Variants in SPOCK3 observed in about 807,000 individuals in gnomAD.
The protein encoded by SPOCK3 is SPARC (osteonectin), cwcv and kazal like domains proteoglycan 3, also known as testican-3.
In SPOCK3, 30 loss-of-function variants were observed where a neutral mutation model predicts 56.6. The ratio of observed to expected loss-of-function variants is 0.53; its 90% CI spans 0.40 to 0.72. SPOCK3 has a LOEUF of 0.72. Among genes scored for constraint, SPOCK3 ranks in the 30% least tolerant of loss-of-function variants. The pLI, the probability that SPOCK3 is intolerant of heterozygous loss-of-function variation, is 0.00. For synonymous variants in SPOCK3, 196 were observed against 183.3 expected (o/e 1.07, Z -0.56); for missense variants, 527 against 530.0 (o/e 0.99, Z 0.06).
chr4:167,205,509 T>TG (rs1734159902), intron 2 of SPOCK3, among the ~76,000 whole-genome samples: 1 of 55,094 alleles, frequency 1.8e-5, no homozygotes, highest in African/African-American at 8.1e-5. Flanking sequence ...ATATATTATA[T>TG]AATATATATT....
chr4:166,780,436 G>C (rs1740035128), intron 7 of SPOCK3, among the ~76,000 whole-genome samples: 1 of 152,008 alleles, frequency 6.6e-6, no homozygotes, highest in Non-Finnish European at 1.5e-5. Flanking sequence ...GCAAGATAAG[G>C]GACCCAAGAA....
intron 4 of SPOCK3, among the ~76,000 whole-genome samples, chr4:166,933,355 G>T (rs1740003349): frequency 6.6e-6 from 1 of 152,116 alleles, no homozygotes; most frequent in African/African-American, 2.4e-5. Context: ...CTATGGCATT[G>T]CCTGACTTCC....
intron 4 of SPOCK3, among the ~76,000 whole-genome samples, chr4:166,920,881 G>A (rs1738407649): frequency 6.6e-6 from 1 of 152,094 alleles, no homozygotes; most frequent in African/African-American, 2.4e-5. Context: ...AGATCTGAAA[G>A]CTTCAGCAGA....
At chr4:166,995,668 TG>T (rs1748292769) in intron 4 of SPOCK3, among the ~76,000 whole-genome samples, 1 of 152,044 alleles carries the variant, frequency 6.6e-6, no homozygotes, top group Non-Finnish European at 1.5e-5. Context: ...GCCTCAGTTA[TG>T]GGCATAATAA....
chr4:167,144,919 T>C (rs560911426), intron 2 of SPOCK3, among the ~76,000 whole-genome samples: 5 of 151,928 alleles, frequency 3.3e-5, no homozygotes, highest in African/African-American at 1.2e-4. Flanking sequence ...GGGTTTAACA[T>C]AGCATTGTCA....
At chr4:166,969,600 G>A (rs1238346230) in intron 4 of SPOCK3, among the ~76,000 whole-genome samples, 1 of 146,460 alleles carries the variant, frequency 6.8e-6, no homozygotes, top group African/African-American at 2.5e-5. Flanking sequence ...CTGCTGCCAT[G>A]GGAAGATGTG....
chr4:166,990,744 T>C (rs1301074772), intron 4 of SPOCK3, among the ~76,000 whole-genome samples: 2 of 152,040 alleles, frequency 1.3e-5, no homozygotes, highest in African/African-American at 2.4e-5. Flanking sequence ...ATGTCATGAT[T>C]AAAATAAAAT....
intron 2 of SPOCK3, among the ~76,000 whole-genome samples, chr4:167,172,254 C>G (rs542253702): frequency 6.6e-6 from 1 of 152,254 alleles, no homozygotes; most frequent in Non-Finnish European, 1.5e-5. Flanking sequence ...AGTTCATAAT[C>G]AAAATTTCTT....
chr4:166,803,528 G>A (rs565212924), intron 6 of SPOCK3, among the ~76,000 whole-genome samples: 107 of 152,224 alleles, frequency 7.0e-4, no homozygotes, highest in African/African-American at 1.9e-3. Context: ...GTGGTATTCC[G>A]GGCAAACGTC....
chr4:167,106,192 A>C (rs1760125627), intron 2 of SPOCK3, among the ~76,000 whole-genome samples: 1 of 151,930 alleles, frequency 6.6e-6, no homozygotes, highest in Non-Finnish European at 1.5e-5. Context: ...TCTCTTCAAC[A>C]CATGGATCAT....
chr4:166,974,581 C>T (rs1745742496), intron 4 of SPOCK3, among the ~76,000 whole-genome samples: 1 of 152,058 alleles, frequency 6.6e-6, no homozygotes, highest in Non-Finnish European at 1.5e-5. Flanking sequence ...CTTTCTGTCT[C>T]TTTCTCTATA....
intron 2 of SPOCK3, among the ~76,000 whole-genome samples, chr4:167,083,513 C>T (rs1295645752): frequency 5.3e-5 from 8 of 152,090 alleles, no homozygotes; most frequent in Non-Finnish European, 1.2e-4. Context: ...GTGTGAAGGA[C>T]TGTATTGTCA....
At chr4:167,155,934 T>A (rs939590857) in intron 2 of SPOCK3, among the ~76,000 whole-genome samples, 2 of 152,070 alleles carry the variant, frequency 1.3e-5, no homozygotes, top group Non-Finnish European at 2.9e-5. Flanking sequence ...TATGTATACC[T>A]TCGTAACAAA....
At chr4:166,785,090 A>T (rs778314759) in intron 7 of SPOCK3, among the ~76,000 whole-genome samples, 9 of 152,134 alleles carry the variant, frequency 5.9e-5, no homozygotes, top group Non-Finnish European at 1.3e-4. Context: ...TGAATAAAAC[A>T]TCACCAAGCA....
intron 2 of SPOCK3, among the ~76,000 whole-genome samples, chr4:167,152,258 A>G (rs1323718733): frequency 6.6e-6 from 1 of 152,230 alleles, no homozygotes; most frequent in African/African-American, 2.4e-5. Context: ...CAAATGTTCC[A>G]GAACACTGTG....
In SPOCK3 at chr4:167,190,957, T is replaced by C. The variant is rs190762338; in HGVS notation, c.189+43028A>G. Among the ~76,000 whole-genome samples the C allele has an allele frequency of 2.7e-4, 40 of 145,758 alleles. 1 individual carries two copies. Among genetic ancestry groups the C allele is most frequent in the Non-Finnish European group, 3.0e-5 (2 of 66,684 alleles). On this transcript the variant is annotated intron_variant, in intron 2 of 10. Coordinates refer to ENST00000357545, the MANE Select transcript of SPOCK3 (RefSeq NM_001040159.2). ...AGTGCATTAATTGACTTCTGATCTC[T>C]TTATTCTGCTCTATTGGTCTAAGTG...
At chr4:167,155,409 C>T (rs374758378) in intron 2 of SPOCK3, among the ~76,000 whole-genome samples, 1 of 152,066 alleles carries the variant, frequency 6.6e-6, no homozygotes, top group Non-Finnish European at 1.5e-5. Context: ...TAAACCACCA[C>T]GCCCAGCATA....
At chr4:167,013,695 A>G (rs12503165) in intron 3 of SPOCK3, among the ~76,000 whole-genome samples, 43,156 of 151,802 alleles carry the variant, frequency 0.28, 6,660 homozygotes, top group African/African-American at 0.4. Flanking sequence ...GATTTAGTTA[A>G]CACAAAAAAG....
chr4:167,052,964 TACTATGA>T (rs948003392), intron 3 of SPOCK3, among the ~76,000 whole-genome samples: 5 of 152,186 alleles, frequency 3.3e-5, no homozygotes, highest in Non-Finnish European at 7.3e-5. Context: ...ACACCCATAA[TACTATGA>T]ACAGCTCTGT....
Sources: allele counts gnomAD v4.1 joint callset (sites outside exome capture counted in the v4.1 genomes callset), GRCh38; gene constraint gnomAD v4.1.1; transcripts MANE v1.5; gene names NCBI Gene and HGNC (gene_info 2026-07-23, HGNC 2026-07-21).